SLC30A10: variants seen among roughly 807,000 people sequenced by gnomAD.
The protein encoded by SLC30A10 is solute carrier family 30 member 10, also known as calcium/manganese antiporter SLC30A10.
SLC30A10 carries 8 observed loss-of-function variants against 21.7 expected under a neutral mutation model. The ratio of observed to expected loss-of-function variants is 0.37; its 90% CI spans 0.22 to 0.67. The LOEUF is 0.67. Ranked by LOEUF, SLC30A10 falls within the 30% of genes least tolerant of loss-of-function variation. The pLI is 0.58. For missense variants in SLC30A10, 521 were observed against 642.5 expected (o/e 0.81, Z 2.04); for synonymous variants, 272 against 279.4 (o/e 0.97, Z 0.26).
At chr1:219,919,343 A>G (rs981058472) in intron 2 of SLC30A10, among the ~76,000 whole-genome samples, 7 of 152,246 alleles carry the variant, frequency 4.6e-5, no homozygotes, top group African/African-American at 1.7e-4. Flanking sequence ...TGTTTTTTAC[A>G]AAAAGCAACA....
At chr1:219,931,687 G>C (rs1363860273), upstream of SLC30A10, among the ~76,000 whole-genome samples, 2 of 152,058 alleles carry the variant, frequency 1.3e-5, no homozygotes, top group Admixed American at 6.5e-5. Context: ...CACCACGTTG[G>C]CCAAGCTGGT....
Position 219,911,149 on chromosome 1 carries a change from G to GTTTTTTTTTTGTTTTTTTT in SLC30A10, c.*4299_*4300insAAAAAAAACAAAAAAAAAA, listed in dbSNP as rs1553311741. Among the ~76,000 whole-genome samples the GTTTTTTTTTTGTTTTTTTT allele has an allele frequency of 5.9e-4, 29 of 49,398 alleles. No individual in the cohort carries two copies. The highest frequency in any genetic ancestry group is 6.2e-4 in the Non-Finnish European group (14 of 22,430). 32.4% of individuals were successfully genotyped at this position (49,398 alleles called of 152,430 possible). On this transcript the variant is annotated 3_prime_UTR_variant, in exon 4 of 4. Transcript: ENST00000366926. Reference sequence around the variant, plus strand: ...ATGTTTCTTCATTTTTTCTACATCAGTTTTTTTTTTTTTTTTTTTTTTTTT... The same window carrying GTTTTTTTTTTGTTTTTTTT: ...ATGTTTCTTCATTTTTTCTACATCAGTTTTTTTTTTGTTTTTTTTTTTTTTTTTTTTTTTTTTTTTTTTT...
At chr1:219,952,235 G>GTA (rs925969129) in intron 1 of SLC30A10, among the ~76,000 whole-genome samples, 2 of 152,136 alleles carry the variant, frequency 1.3e-5, no homozygotes, top group Admixed American at 6.6e-5. Context: ...TGTATTCCAA[G>GTA]TACTGTGTTG....
At chr1:219,955,772 G>C (rs977166250) in intron 1 of SLC30A10, among the ~76,000 whole-genome samples, 1 of 152,194 alleles carries the variant, frequency 6.6e-6, no homozygotes, top group Non-Finnish European at 1.5e-5. Flanking sequence ...TTCTGATCAT[G>C]AAGCCAGGCG....
chr1:219,929,551 G>C (rs1253289770), upstream of SLC30A10, among the ~76,000 whole-genome samples: 2 of 150,504 alleles, frequency 1.3e-5, no homozygotes, highest in African/African-American at 2.4e-5. Context: ...ACAGAGTTTC[G>C]TTGTTGTTGC....
At chr1:219,927,397 G>A (rs938321592) in intron 1 of SLC30A10, among the ~76,000 whole-genome samples, 1 of 151,846 alleles carries the variant, frequency 6.6e-6, no homozygotes, top group Non-Finnish European at 1.5e-5. Flanking sequence ...TGGGCAAAGA[G>A]GGGGGGAGAA....
rs1449996163 is a variant in SLC30A10 at position 219,928,171 on chromosome 1, G to A, written c.270C>T (p.Thr90=). The A allele has an allele frequency of 2.6e-6, 4 of 1,559,804 alleles. No homozygotes were observed. Among genetic ancestry groups the A allele is most frequent in the Non-Finnish European group, 3.5e-6 (4 of 1,152,146 alleles). The part of the protein sequence containing the change: ...VGALSNAVFL[T]ALCFTIFVEA... ...CCACGAAGATGGTGAAGCAGAGCGCGGTGAGGAAGACCGCGTTGCTCAGCG... is the reference window on the plus strand; with the variant it reads ...CCACGAAGATGGTGAAGCAGAGCGCAGTGAGGAAGACCGCGTTGCTCAGCG... Residue 90 remains threonine (T), a synonymous_variant, in exon 1 of 4, where the codon ACC becomes ACT. Transcript: ENST00000366926. The surrounding 1 kb of genome is among the most constrained non-coding windows in gnomAD (Gnocchi z 6.3).
chr1:219,917,845 G>A (rs1191931654), intron 3 of SLC30A10, among the ~76,000 whole-genome samples: 1 of 151,456 alleles, frequency 6.6e-6, no homozygotes, highest in East Asian at 1.9e-4. Context: ...CGAGTAGTTG[G>A]GATTACAGGC....
chr1:219,943,944 T>A (rs140970203), intron 1 of SLC30A10, among the ~76,000 whole-genome samples: 1 of 146,442 alleles, frequency 6.8e-6, no homozygotes, highest in African/African-American at 2.5e-5. Flanking sequence ...CTAAAAAATA[T>A]AAAAAATTAG....
At chr1:219,935,577 T>G (rs941853532) in intron 1 of SLC30A10, among the ~76,000 whole-genome samples, 13 of 152,240 alleles carry the variant, frequency 8.5e-5, no homozygotes, top group African/African-American at 1.2e-4. Context: ...AGCCTCTATG[T>G]TTTCATTTCT....
intron 2 of SLC30A10, among the ~76,000 whole-genome samples, chr1:219,923,635 TACA>T (rs1177857147): frequency 6.6e-6 from 1 of 152,258 alleles, no homozygotes; most frequent in Non-Finnish European, 1.5e-5. Context: ...GACATATTGT[TACA>T]ACATTTTTAA....
At chr1:219,933,901 C>T (rs1019889463) in intron 1 of SLC30A10, among the ~76,000 whole-genome samples, 2 of 152,126 alleles carry the variant, frequency 1.3e-5, no homozygotes, top group African/African-American at 2.4e-5. Context: ...GCCTGTAATC[C>T]CAGCACTTTG....
chr1:219,915,508 CGTG>C lies in SLC30A10; in HGVS notation c.1396_1398del (p.His466del), dbSNP rs754189463. The C allele has an allele frequency of 1.2e-6, 2 of 1,614,092 alleles. No homozygotes were observed. The highest frequency in any genetic ancestry group is 2.7e-5 in the African/African-American group (2 of 74,922). ...TCCTGAGTTTTGTTAAGACTTTGTCCGTGGTCACTCAGACAGCTATCCAAAGAC... is the reference window on the plus strand; with the variant it reads ...TCCTGAGTTTTGTTAAGACTTTGTCCGTCACTCAGACAGCTATCCAAAGAC... On this transcript the variant is annotated inframe_deletion, in exon 4 of 4. Transcript: ENST00000366926.
In SLC30A10 at chr1:219,928,479, A is replaced by AGCGCAGCCCACCCCGC. The variant is rs747319186; in HGVS notation, c.-55_-40dup. Reference sequence around the variant, plus strand: ...CCGGGCGCCCGGCGCCGCCCAGGGGAGCGCAGCCCACCCCGCGCGCAGCCA... The same window carrying AGCGCAGCCCACCCCGC: ...CCGGGCGCCCGGCGCCGCCCAGGGGAGCGCAGCCCACCCCGCGCGCAGCCCACCCCGCGCGCAGCCA... On this transcript the variant is annotated 5_prime_UTR_variant, in exon 1 of 4. Transcript: ENST00000366926. The surrounding 1 kb of genome is among the most constrained non-coding windows in gnomAD (Gnocchi z 6.3). 12,912 of 1,496,758 alleles carry AGCGCAGCCCACCCCGC rather than the reference A, an allele frequency of 8.6e-3. 76 individuals are homozygous for AGCGCAGCCCACCCCGC. The highest frequency in any genetic ancestry group is 0.01 in the Non-Finnish European group (11,713 of 1,129,378). The allele number at this position is 1,496,758 out of a possible 1,614,324, so 92.7% of individuals were successfully genotyped here.
At chr1:219,921,170 T>C (rs2102528510) in intron 2 of SLC30A10, among the ~76,000 whole-genome samples, 1 of 152,354 alleles carries the variant, frequency 6.6e-6, no homozygotes, top group Admixed American at 6.5e-5. Flanking sequence ...TAAGCAAGAA[T>C]TTAGCTTTTA....
At chr1:219,922,184 T>G (rs1037470158) in intron 2 of SLC30A10, among the ~76,000 whole-genome samples, 15,385 of 32,846 alleles carry the variant, frequency 0.47, 1,481 homozygotes, top group East Asian at 0.5. Context: ...GTGTTTTTTT[T>G]TTTTTTTTTT....
chr1:219,956,242 C>T (rs1439022026), intron 1 of SLC30A10, among the ~76,000 whole-genome samples: 1 of 150,734 alleles, frequency 6.6e-6, no homozygotes, highest in Non-Finnish European at 1.5e-5. Context: ...GTGATCATAG[C>T]TCACTGCAGC....
At chr1:219,940,614 GA>G (rs1179459267) in intron 1 of SLC30A10, among the ~76,000 whole-genome samples, 3 of 152,172 alleles carry the variant, frequency 2.0e-5, no homozygotes, top group Non-Finnish European at 4.4e-5. Flanking sequence ...GAAGACAATG[GA>G]TATTGGCATA....
At chr1:219,939,386 T>C (rs989348913) in intron 1 of SLC30A10, among the ~76,000 whole-genome samples, 10 of 152,134 alleles carry the variant, frequency 6.6e-5, no homozygotes, top group African/African-American at 2.4e-4. Flanking sequence ...GTCCTATCAT[T>C]ATGTGTTGGG....
Sources: allele counts gnomAD v4.1 joint callset (sites outside exome capture counted in the v4.1 genomes callset), GRCh38; gene constraint gnomAD v4.1.1; non-coding constraint Gnocchi (gnomAD v3.1); transcripts MANE v1.5; gene names NCBI Gene and HGNC (gene_info 2026-07-23, HGNC 2026-07-21).